The following SH3RF2 variants were observed in gnomAD, a reference collection of about 807,000 sequenced individuals.
SH3RF2 encodes the protein SH3 domain containing ring finger 2, also known as E3 ubiquitin-protein ligase SH3RF2.
A neutral mutation model predicts 59.0 loss-of-function variants in SH3RF2; 43 were observed. The observed-to-expected ratio is 0.73, with a 90% CI of 0.57 to 0.94. The LOEUF (loss-of-function observed/expected upper bound fraction) is 0.94. Ranked by LOEUF, SH3RF2 falls within the 40% of genes least tolerant of loss-of-function variation. The probability of loss-of-function intolerance (pLI) is 0.00; values close to 1 mark genes in which losing one functional copy is unlikely to be tolerated. For synonymous variants in SH3RF2, 391 were observed against 391.5 expected (o/e 1.00, Z 0.01); for missense variants, 930 against 940.1 (o/e 0.99, Z 0.14).
intron 2 of SH3RF2, among the ~76,000 whole-genome samples, chr5:145,943,990 T>G (rs1212728942): frequency 1.3e-5 from 2 of 152,208 alleles, no homozygotes; most frequent in East Asian, 3.8e-4. Context: ...GAAATGTGCC[T>G]ATTCAGCCCT....
At chr5:146,036,630 G>T (rs1165278942) in intron 5 of SH3RF2, among the ~76,000 whole-genome samples, 1 of 152,170 alleles carries the variant, frequency 6.6e-6, no homozygotes, top group Non-Finnish European at 1.5e-5. Flanking sequence ...GGCAGGCAGA[G>T]GTTGCAGTGA....
intron 5 of SH3RF2, among the ~76,000 whole-genome samples, chr5:146,038,129 A>G (rs1473217852): frequency 2.0e-5 from 3 of 152,264 alleles, no homozygotes; most frequent in African/African-American, 7.2e-5. Context: ...TTTTATGTCC[A>G]TTCATTATAT....
At chr5:146,033,451 CTTTTTTT>C (rs558717056) in intron 5 of SH3RF2, among the ~76,000 whole-genome samples, 839 of 71,792 alleles carry the variant, frequency 0.012, 30 homozygotes, top group African/African-American at 0.076. Flanking sequence ...TAGCCCTTAG[CTTTTTTT>C]TTTTTTTTTT....
Position 146,047,826 on chromosome 5 carries a change from A to T in SH3RF2, c.1114A>T (p.Ser372Cys). 1 of 1,614,126 alleles carries T rather than the reference A, an allele frequency of 6.2e-7. No individual in the cohort carries two copies. Among genetic ancestry groups the T allele is most frequent in the Non-Finnish European group, 8.5e-7 (1 of 1,180,026 alleles). ...VSPGHSTAVVSLPGSQQHLSA... is the reference protein window; with the variant it reads ...VSPGHSTAVVCLPGSQQHLSA... ...TCCAGGACATTCCACAGCCGTGGTC[A>T]GTCTGCCTGGCTCCCAGCAACACCT... Residue 372 changes from serine (S) to cysteine (C), a missense_variant, in exon 6 of 10, where the codon AGT becomes TGT. Transcript: ENST00000359120.
At chr5:146,068,775 G>A (rs1350066578) in intron 9 of SH3RF2, among the ~76,000 whole-genome samples, 2 of 152,120 alleles carry the variant, frequency 1.3e-5, no homozygotes, top group Non-Finnish European at 2.9e-5. Context: ...GCAGCGAGGT[G>A]GGATCTTTTC....
At chr5:145,957,711 G>A (rs770057667) in intron 2 of SH3RF2, among the ~76,000 whole-genome samples, 4 of 152,218 alleles carry the variant, frequency 2.6e-5, no homozygotes, top group East Asian at 3.9e-4. Flanking sequence ...AAAACGTGGA[G>A]TGGGGGTCTG....
intron 2 of SH3RF2, among the ~76,000 whole-genome samples, chr5:145,996,763 TA>T (rs145951414): frequency 0.011 from 1,704 of 152,178 alleles, 34 homozygotes; most frequent in African/African-American, 0.039. Flanking sequence ...GTTCCTTGGG[TA>T]GTGATTAAGA....
At chr5:145,945,792 A>C (rs1260762644) in intron 2 of SH3RF2, among the ~76,000 whole-genome samples, 1 of 152,174 alleles carries the variant, frequency 6.6e-6, no homozygotes, top group Non-Finnish European at 1.5e-5. Context: ...TCTCTCCAGC[A>C]GCCCTCATGC....
chr5:145,971,789 T>A (rs1407529016), intron 2 of SH3RF2, among the ~76,000 whole-genome samples: 2 of 152,054 alleles, frequency 1.3e-5, no homozygotes, highest in Admixed American at 1.3e-4. Flanking sequence ...AGCTACCACC[T>A]CTGGAATAAC....
At chr5:145,997,903 C>A in intron 2 of SH3RF2, 1 of 891,714 alleles carries the variant, frequency 1.1e-6, no homozygotes, top group Admixed American at 1.7e-5. Flanking sequence ...GAAGCAAACA[C>A]CAAATCAGAA....
At position 146,060,120 on chromosome 5, in the gene SH3RF2, G is replaced by A; in HGVS notation, c.1810G>A (p.Asp604Asn). 1.2e-6 allele frequency: 2 copies of A among 1,614,146 alleles called. No homozygotes were observed. The highest frequency in any genetic ancestry group is 1.7e-6 in the Non-Finnish European group (2 of 1,179,988). ...HSAASSLIME[D>N]KEIPIKSEPL... ...CGCGGCCAGCTCCCTCATTATGGAAGACAAAGAAATCCCCATCAAGAGTGA... is the reference window on the plus strand; with the variant it reads ...CGCGGCCAGCTCCCTCATTATGGAAAACAAAGAAATCCCCATCAAGAGTGA... Residue 604 changes from aspartate to asparagine, a missense_variant, in exon 9 of 10, where the codon GAC becomes AAC. Asp to Asn is a conservative substitution (Grantham distance 23). Transcript: ENST00000359120.
chr5:145,945,398 T>G (rs956203581), intron 2 of SH3RF2, among the ~76,000 whole-genome samples: 3 of 152,216 alleles, frequency 2.0e-5, no homozygotes, highest in South Asian at 2.1e-4. Flanking sequence ...CATTTTTGTA[T>G]GTAAATTATA....
intron 5 of SH3RF2, among the ~76,000 whole-genome samples, chr5:146,036,233 C>G (rs1761931822): frequency 6.6e-6 from 1 of 152,112 alleles, no homozygotes; most frequent in Admixed American, 6.5e-5. Context: ...CAGCAGGACC[C>G]TTGGGCTCAG....
intron 5 of SH3RF2, among the ~76,000 whole-genome samples, chr5:146,026,602 A>G (rs1025062508): frequency 6.6e-6 from 1 of 152,152 alleles, no homozygotes; most frequent in Non-Finnish European, 1.5e-5. Context: ...TACACAACAG[A>G]CCTGTTTTCT....
chr5:146,025,179 T>C (rs778224655), intron 5 of SH3RF2, among the ~76,000 whole-genome samples: 14 of 152,264 alleles, frequency 9.2e-5, no homozygotes, highest in Non-Finnish European at 1.6e-4. Flanking sequence ...CCAAAGTTCA[T>C]ATTCTTAACC....
chr5:145,950,167 C>T (rs1421745959), intron 2 of SH3RF2, among the ~76,000 whole-genome samples: 1 of 152,206 alleles, frequency 6.6e-6, no homozygotes, highest in Admixed American at 6.5e-5. Flanking sequence ...TTCTTTAATC[C>T]TCTCAACTGT....
chr5:146,058,973 A>G (rs1429776771), intron 8 of SH3RF2, among the ~76,000 whole-genome samples: 17 of 152,154 alleles, frequency 1.1e-4, no homozygotes, highest in African/African-American at 2.4e-5. Flanking sequence ...TTTACCCAAA[A>G]ATAATGATAG....
intron 2 of SH3RF2, among the ~76,000 whole-genome samples, chr5:145,957,517 G>A (rs1758461435): frequency 6.6e-6 from 1 of 152,140 alleles, no homozygotes; most frequent in African/African-American, 2.4e-5. Flanking sequence ...AGCATGCTAA[G>A]CACTTCTGTT....
rs535273226 is a variant in SH3RF2 at position 146,024,669 on chromosome 5, G to A, written c.1059+10608G>A. On this transcript the variant is annotated intron_variant, in intron 5 of 9. Transcript: ENST00000359120. Reference sequence around the variant, plus strand: ...TTTATCACTGCATTTTTTTCTAAGAGCTTACAGTTTTTACTCTAATGTTTA... The same window carrying A: ...TTTATCACTGCATTTTTTTCTAAGAACTTACAGTTTTTACTCTAATGTTTA... Among the ~76,000 whole-genome samples, 3 of 151,932 alleles carry A rather than the reference G, an allele frequency of 2.0e-5. No individual in the cohort carries two copies. In the East Asian group the frequency reaches 5.8e-4, roughly 29 times the overall value.
Sources: gnomAD v4.1 joint callset for allele counts (sites outside exome capture counted in the v4.1 genomes callset) on GRCh38, gnomAD v4.1.1 for gene constraint, MANE v1.5 for transcripts, NCBI Gene and HGNC (gene_info 2026-07-23, HGNC 2026-07-21) for gene names.